Variants in SNED1 observed in about 807,000 individuals in gnomAD.
The protein encoded by SNED1 is sushi, nidogen and EGF-like domain-containing protein 1.
In SNED1, 81 loss-of-function variants were observed where a neutral mutation model predicts 166.7. That is an observed-to-expected ratio of 0.49 (90% confidence interval 0.41 to 0.58). The LOEUF (loss-of-function observed/expected upper bound fraction) is 0.58. Ranked by LOEUF, SNED1 falls within the 20% of genes least tolerant of loss-of-function variation. The pLI is 0.00. For synonymous variants in SNED1, 762 were observed against 822.0 expected (o/e 0.93, Z 1.25); for missense variants, 1,604 against 2,000.2 (o/e 0.80, Z 3.78).
chr2:241,065,426 C>T lies in SNED1; in HGVS notation c.2841C>T (p.Ser947=). 1 of 1,613,104 alleles carries T rather than the reference C, an allele frequency of 6.2e-7. No individual in the cohort carries two copies. Among genetic ancestry groups the T allele is most frequent in the Non-Finnish European group, 8.5e-7 (1 of 1,179,858 alleles). The change falls in exon 21 of 32, where the codon TCC becomes TCT. Residue 947 remains serine (S), a synonymous_variant. Transcript: ENST00000310397. ...MLDGYAVTYV[S]SDGSYRRTDF... The stretch of plus-strand genomic sequence containing the variant: ...ATGGCTACGCGGTCACCTACGTCTC[C>T]TCCGACGGCTCCTACCGCCGCACAG...
intron 27 of SNED1, among the ~76,000 whole-genome samples, chr2:241,076,113 G>T (rs1274346260): frequency 6.6e-6 from 1 of 152,100 alleles, no homozygotes; most frequent in Non-Finnish European, 1.5e-5. Context: ...AAGTATCATT[G>T]CTACCCTTGG....
chr2:241,065,960 G>C (rs879874944), intron 21 of SNED1, among the ~76,000 whole-genome samples: 2 of 152,132 alleles, frequency 1.3e-5, no homozygotes, highest in Non-Finnish European at 2.9e-5. Context: ...GGCTTGGGGG[G>C]GCTGGGACTC....
intron 16 of SNED1, among the ~76,000 whole-genome samples, chr2:241,060,036 A>C (rs2125158879): frequency 6.6e-6 from 1 of 152,362 alleles, no homozygotes; most frequent in Admixed American, 6.5e-5. Context: ...GAATTCAACT[A>C]GATCCCAGGA....
At chr2:241,062,618 C>T (rs1323209755) in intron 16 of SNED1, among the ~76,000 whole-genome samples, 173 bp from the exon 17 acceptor site, 1 of 152,234 alleles carries the variant, frequency 6.6e-6, no homozygotes, top group African/African-American at 2.4e-5. Flanking sequence ...CACTGAGCCC[C>T]AGGCCCACTG....
In SNED1 at chr2:241,073,756, A is replaced by G; in HGVS notation, c.3916+392A>G. On this transcript the variant is annotated intron_variant, in intron 27 of 31. Transcript: ENST00000310397. This position sits in a 1 kb window ranked among gnomAD's most constrained non-coding sequence, Gnocchi z 6.6. Reference sequence around the variant, plus strand: ...CAGGCGGAGTCAGGATGGGAGAAGCAGAGGGAGCAGCCACTGGGCGAGCCC... The same window carrying G: ...CAGGCGGAGTCAGGATGGGAGAAGCGGAGGGAGCAGCCACTGGGCGAGCCC... The G allele has an allele frequency of 2.7e-6, 1 of 373,894 alleles. No individual in the cohort carries two copies. Among genetic ancestry groups the G allele is most frequent in the Non-Finnish European group, 4.8e-6 (1 of 207,020 alleles). The allele number at this position is 373,894 out of a possible 1,614,324, so 23.2% of individuals were successfully genotyped here.
intron 1 of SNED1, among the ~76,000 whole-genome samples, chr2:241,012,827 T>G (rs974252607): frequency 2.5e-4 from 12 of 47,464 alleles, no homozygotes; most frequent in Admixed American, 1.0e-3. Flanking sequence ...TTTTTTTTCT[T>G]TTTTTTTTTT....
At chr2:241,056,682 G>T (rs998008228) in intron 16 of SNED1, among the ~76,000 whole-genome samples, 1 of 143,180 alleles carries the variant, frequency 7.0e-6, no homozygotes, top group African/African-American at 2.6e-5. Flanking sequence ...CTGGGTTCAC[G>T]CCATTCTCCT....
chr2:241,008,069 C>T (rs1399416645), intron 1 of SNED1, among the ~76,000 whole-genome samples: 1 of 152,284 alleles, frequency 6.6e-6, no homozygotes, highest in Non-Finnish European at 1.5e-5. Flanking sequence ...CCACCTGACT[C>T]ACTGAGCACA....
chr2:241,049,720 T>C, intron 11 of SNED1, 97 bp from the exon 12 acceptor site: 1 of 850,542 alleles, frequency 1.2e-6, no homozygotes, highest in Non-Finnish European at 1.9e-6. Context: ...AGACAGGATG[T>C]CAGGGTAACC....
intron 31 of SNED1, chr2:241,089,233 GTT>G (rs989053598): frequency 7.0e-7 from 1 of 1,434,700 alleles, no homozygotes; most frequent in Non-Finnish European, 9.3e-7. Context: ...TGAATCTCTG[GTT>G]GGCCTAGGAC....
At position 241,093,404 on chromosome 2, in the gene SNED1, C is replaced by T. The variant is rs2064171760; in HGVS notation, c.*1768C>T. The stretch of plus-strand genomic sequence containing the variant: ...GAAACTTTCTACTCCCTACTAGGAC[C>T]TCAAGCCCCTCAGCCACACAGCAAA... On this transcript the variant is annotated 3_prime_UTR_variant, in exon 32 of 32. Coordinates refer to ENST00000310397, the MANE Select transcript of SNED1 (RefSeq NM_001080437.3). 6.5e-6 allele frequency: 1 copy of T among 152,682 alleles called. No individual in the cohort carries two copies. Among genetic ancestry groups the T allele is most frequent in the African/African-American group, 2.4e-5 (1 of 41,460 alleles). 9.5% of individuals were successfully genotyped at this position (152,682 alleles called of 1,614,324 possible). A position where few individuals can be genotyped will look rare whatever the true frequency, so the allele number is the denominator to read the frequency against.
chr2:241,063,838 A>AGGGAGGGGTGGAGGTGAGGGTGCTG (rs1437107753), intron 18 of SNED1, 138 bp downstream of exon 18: 66 of 478,032 alleles, frequency 1.4e-4, no homozygotes, highest in Non-Finnish European at 2.0e-4. Context: ...CCACCTTGGG[A>AGGGAGGGGTGGAGGTGAGGGTGCTG]GGGAGGGGTG....
intron 1 of SNED1, among the ~76,000 whole-genome samples, chr2:241,014,061 C>T (rs4676009): frequency 0.34 from 50,792 of 150,968 alleles, 10,095 homozygotes; most frequent in African/African-American, 0.55. Context: ...CAGGCTGGAG[C>T]GCAGTGGTGC....
intron 6 of SNED1, 80 bp downstream of exon 6, chr2:241,037,433 T>A: frequency 1.0e-6 from 1 of 994,736 alleles, no homozygotes; most frequent in Middle Eastern, 2.3e-4. Flanking sequence ...GGCTGAGGTC[T>A]TGGAAGGTCC....
intron 31 of SNED1, chr2:241,089,120 A>G (rs1047589451): frequency 9.1e-6 from 5 of 548,016 alleles, no homozygotes; most frequent in African/African-American, 5.9e-5. Context: ...ATTCTTCACA[A>G]TCGTTTGCAA....
At chr2:241,089,259 C>G in intron 31 of SNED1, 1 of 1,531,704 alleles carries the variant, frequency 6.5e-7, no homozygotes, top group East Asian at 2.5e-5. Flanking sequence ...TTTGCTCTTC[C>G]TGCCCCTTAT....
rs1029030268 is a variant in SNED1 at position 240,998,946 on chromosome 2, G to C, written c.109G>C (p.Glu37Gln). 1 of 1,293,958 alleles carries C rather than the reference G, an allele frequency of 7.7e-7. No individual in the cohort carries two copies. Among genetic ancestry groups the C allele is most frequent in the Non-Finnish European group, 9.8e-7 (1 of 1,019,080 alleles). The allele number at this position is 1,293,958 out of a possible 1,614,324, so 80.2% of individuals were successfully genotyped here. A position where few individuals can be genotyped will look rare whatever the true frequency, so the allele number is the denominator to read the frequency against. Reference sequence around the variant, plus strand: ...TGCCGACTTCTACCCGTTCGGCGCCGAGCGCGGCGACGCCGTCACCCCCAA... The same window carrying C: ...TGCCGACTTCTACCCGTTCGGCGCCCAGCGCGGCGACGCCGTCACCCCCAA... ...ALADFYPFGA[E>Q]RGDAVTPKQD... The change falls in exon 1 of 32, where the codon GAG (glutamate) becomes CAG (glutamine). Residue 37 changes from glutamate (E) to glutamine (Q), a missense_variant. Physicochemically the swap from Glu to Gln is conservative, Grantham distance 29 (BLOSUM62 2). Around this residue, in one of 2 missense-constraint regions of SNED1, gnomAD observed 1,237 missense variants for 1,620.8 expected, o/e 0.76. Transcript: ENST00000310397.
rs78060342 is a variant in SNED1 at position 241,009,460 on chromosome 2, G to A, written c.213+10410G>A. Among the ~76,000 whole-genome samples, 32 of 152,264 alleles carry A rather than the reference G, an allele frequency of 2.1e-4. 1 individual carries two copies. The highest frequency in any genetic ancestry group is 6.5e-4 in the African/African-American group (27 of 41,556). On this transcript the variant is annotated intron_variant, in intron 1 of 31. Coordinates refer to ENST00000310397, the MANE Select transcript of SNED1 (RefSeq NM_001080437.3). ...GAAGCAAGTGAGGCAAGGAGCAGGC[G>A]GCAGGAGCTGCTGTCAACACAAGGA...
intron 6 of SNED1, among the ~76,000 whole-genome samples, chr2:241,039,117 A>G (rs2061453010): frequency 6.6e-6 from 1 of 152,144 alleles, no homozygotes; most frequent in African/African-American, 2.4e-5. Context: ...GACCCCCCAC[A>G]GGGGCTCCCT....
Sources: allele counts gnomAD v4.1 joint callset (sites outside exome capture counted in the v4.1 genomes callset), GRCh38; gene constraint gnomAD v4.1.1; regional missense constraint gnomAD v4.1.1; non-coding constraint Gnocchi (gnomAD v3.1); transcripts MANE v1.5; gene names NCBI Gene and HGNC (gene_info 2026-07-23, HGNC 2026-07-21).